The following AGBL4 variants were observed in gnomAD, a reference collection of about 807,000 sequenced individuals.
AGBL4 encodes cytosolic carboxypeptidase 6.
Under a neutral mutation model 66.4 loss-of-function variants are expected in AGBL4, and 58 were observed. That is an observed-to-expected ratio of 0.87 (90% CI 0.71 to 1.09). The LOEUF (loss-of-function observed/expected upper bound fraction) is 1.09. Ranked by LOEUF, AGBL4 falls within the 50% of genes least tolerant of loss-of-function variation. The pLI is 0.00. For missense variants in AGBL4, 579 were observed against 631.0 expected (o/e 0.92, Z 0.88); for synonymous variants, 234 against 222.9 (o/e 1.05, Z -0.44).
intron 2 of AGBL4, among the ~76,000 whole-genome samples, chr1:49,796,593 T>C (rs1423837956): frequency 6.6e-6 from 1 of 151,348 alleles, no homozygotes; most frequent in East Asian, 1.9e-4. Flanking sequence ...TCATGTATAA[T>C]AAAGTGAAAA....
At chr1:49,652,106 G>C (rs1251693552) in intron 3 of AGBL4, among the ~76,000 whole-genome samples, 1 of 152,096 alleles carries the variant, frequency 6.6e-6, no homozygotes, top group Admixed American at 6.5e-5. Flanking sequence ...TTCAGAGCTT[G>C]AAGGCCAGTC....
intron 3 of AGBL4, among the ~76,000 whole-genome samples, chr1:49,563,609 A>G (rs1045812027): frequency 2.0e-5 from 3 of 152,036 alleles, no homozygotes; most frequent in Admixed American, 6.6e-5. Context: ...GCTGGATTAC[A>G]TTTATTGATT....
At chr1:49,419,228 CACA>C (rs1245771923) in intron 3 of AGBL4, among the ~76,000 whole-genome samples, 1 of 152,104 alleles carries the variant, frequency 6.6e-6, no homozygotes, top group Non-Finnish European at 1.5e-5. Context: ...TGGCATATCA[CACA>C]ACAAGTATTA....
At chr1:48,611,594 T>G (rs1409964804) in intron 9 of AGBL4, among the ~76,000 whole-genome samples, 1 of 152,264 alleles carries the variant, frequency 6.6e-6, no homozygotes, top group Admixed American at 6.5e-5. Flanking sequence ...TACCATAGAA[T>G]GAGAATGTCG....
At chr1:48,668,003 TTTG>T (rs35572126) in intron 6 of AGBL4, among the ~76,000 whole-genome samples, 11,044 of 150,146 alleles carry the variant, frequency 0.074, 1,249 homozygotes, top group African/African-American at 0.25. Flanking sequence ...GGGGGAAGCA[TTTG>T]TTGTTGTTGT....
At chr1:49,093,779 G>T (rs975269311) in intron 4 of AGBL4, among the ~76,000 whole-genome samples, 1 of 152,110 alleles carries the variant, frequency 6.6e-6, no homozygotes, top group Non-Finnish European at 1.5e-5. Context: ...CAAATCTTTG[G>T]CTTGTTATAA....
rs373523083 is a variant in AGBL4 at position 49,329,924 on chromosome 1, CATCA to C, written c.283-84064_283-84061del. The stretch of plus-strand genomic sequence containing the variant: ...TGAGAACATATGTATCTTTCTCTCC[CATCA>C]GTCAGAGACTATGACTGCATCTGCA... On this transcript the variant is annotated intron_variant, in intron 3 of 13. Transcript: ENST00000371839. Among the ~76,000 whole-genome samples the C allele has an allele frequency of 3.8e-4, 58 of 152,284 alleles. 1 individual carries two copies. In the East Asian group the frequency reaches 0.011, roughly 28 times the overall value.
chr1:49,537,563 C>T (rs1032171610), intron 3 of AGBL4, among the ~76,000 whole-genome samples: 1 of 152,190 alleles, frequency 6.6e-6, no homozygotes, highest in Non-Finnish European at 1.5e-5. Context: ...TTCAACATCA[C>T]TAATCATCAG....
chr1:48,527,251 C>T, the AGBL4 span, among the ~76,000 whole-genome samples: 1 of 151,906 alleles, frequency 6.6e-6, no homozygotes, highest in Non-Finnish European at 1.5e-5. Context: ...GAACTTTGCC[C>T]CCAAAGACAT....
intron 2 of AGBL4, among the ~76,000 whole-genome samples, chr1:49,843,658 T>C (rs1338277423): frequency 6.6e-6 from 1 of 152,220 alleles, no homozygotes; most frequent in Non-Finnish European, 1.5e-5. Flanking sequence ...GTCAGCTGAT[T>C]AGCAATGTTA....
chr1:48,841,410 CCCAA>C (rs930825697), intron 6 of AGBL4, among the ~76,000 whole-genome samples: 2 of 137,118 alleles, frequency 1.5e-5, no homozygotes, highest in African/African-American at 5.5e-5. Context: ...ACCCCCCCCC[CCCAA>C]AAAAAAAGAA....
At chr1:48,981,470 C>T (rs1659762588) in intron 5 of AGBL4, among the ~76,000 whole-genome samples, 1 of 152,036 alleles carries the variant, frequency 6.6e-6, no homozygotes, top group Non-Finnish European at 1.5e-5. Context: ...AAGTATGTAC[C>T]ACATACAGGT....
chr1:49,572,670 T>C (rs1304642468), intron 3 of AGBL4, among the ~76,000 whole-genome samples: 1 of 152,236 alleles, frequency 6.6e-6, no homozygotes, highest in Non-Finnish European at 1.5e-5. Context: ...GATAGTTGTT[T>C]GTATTTCTGT....
intron 1 of AGBL4, chr1:50,017,351 G>A (rs1662063778): frequency 6.6e-6 from 1 of 152,024 alleles, no homozygotes; most frequent in Non-Finnish European, 1.5e-5. Flanking sequence ...CTCCTTACAT[G>A]ACAAAAACTA....
chr1:49,110,243 A>G (rs1370650595), intron 4 of AGBL4, among the ~76,000 whole-genome samples: 1 of 152,198 alleles, frequency 6.6e-6, no homozygotes, highest in African/African-American at 2.4e-5. Flanking sequence ...GCAAAACTCA[A>G]ACCCAGAATG....
intron 4 of AGBL4, chr1:49,187,451 AT>A (rs1647035794): frequency 1.3e-5 from 2 of 152,324 alleles, no homozygotes; most frequent in South Asian, 4.1e-4. Context: ...GAATATACAT[AT>A]GCGGAGACAC....
chr1:49,261,413 T>C (rs1012552829), intron 3 of AGBL4, among the ~76,000 whole-genome samples: 1 of 152,158 alleles, frequency 6.6e-6, no homozygotes, highest in Non-Finnish European at 1.5e-5. Context: ...GAAGACCCCA[T>C]TGGCTCAGCC....
intron 3 of AGBL4, among the ~76,000 whole-genome samples, chr1:49,465,024 A>G (rs2148704244): frequency 1.3e-5 from 2 of 151,844 alleles, no homozygotes; most frequent in Middle Eastern, 6.8e-3. Context: ...CACTTCCCTC[A>G]CAAAGAACAC....
intron 6 of AGBL4, among the ~76,000 whole-genome samples, chr1:48,816,150 G>C (rs796679383): frequency 6.6e-6 from 1 of 152,110 alleles, no homozygotes; most frequent in African/African-American, 2.4e-5. Flanking sequence ...GAGCTAGACA[G>C]AGATGTCGCC....
Sources: gnomAD v4.1 joint callset for allele counts (sites outside exome capture counted in the v4.1 genomes callset) on GRCh38, gnomAD v4.1.1 for gene constraint, MANE v1.5 for transcripts, NCBI Gene and HGNC (gene_info 2026-07-23, HGNC 2026-07-21) for gene names.